Variants in WDFY3 observed in about 807,000 individuals in gnomAD.
WDFY3 encodes the protein WD repeat and FYVE domain containing 3.
WDFY3 carries 66 observed loss-of-function variants against 409.6 expected under a neutral mutation model. The ratio of observed to expected loss-of-function variants is 0.16; its 90% CI spans 0.13 to 0.20. The LOEUF is 0.20. WDFY3 is among the 10% of genes least tolerant of loss of function. The pLI, the probability that WDFY3 is intolerant of heterozygous loss-of-function variation, is 1.00. For synonymous variants in WDFY3, 1,521 were observed against 1,537.1 expected, an observed-to-expected ratio of 0.99 and a Z score of 0.25; for missense variants, 3,031 against 4,298.1, an observed-to-expected ratio of 0.71 and a Z score of 8.24.
chr4:84,935,976 A>AT (rs937984138), intron 1 of WDFY3, among the ~76,000 whole-genome samples: 10 of 152,250 alleles, frequency 6.6e-5, no homozygotes, highest in South Asian at 6.2e-4. Flanking sequence ...CATTTTACAT[A>AT]TTTTTACTTC....
chr4:84,752,151 T>A (rs544988874), intron 35 of WDFY3, among the ~76,000 whole-genome samples: 13 of 148,888 alleles, frequency 8.7e-5, no homozygotes, highest in South Asian at 6.4e-4. Context: ...CAAATAAATT[T>A]AAAAAAAAAA....
intron 63 of WDFY3, 101 bp downstream of exon 63, chr4:84,683,842 A>G (rs575911287): frequency 6.9e-6 from 9 of 1,296,052 alleles, no homozygotes; most frequent in South Asian, 2.9e-5. Flanking sequence ...TTCACTAAAC[A>G]TTACAACTTG....
chr4:84,737,391 C>A (rs1560629015), intron 40 of WDFY3, 25 bp from the exon 41 acceptor site: 4 of 1,520,998 alleles, frequency 2.6e-6, no homozygotes, highest in Non-Finnish European at 3.5e-6. Context: ...AACAAACAAA[C>A]AAAAAAGTAA....
chr4:84,918,194 C>T (rs530900282), intron 2 of WDFY3, among the ~76,000 whole-genome samples: 1 of 152,186 alleles, frequency 6.6e-6, no homozygotes, highest in Non-Finnish European at 1.5e-5. Context: ...CCTAGTAATT[C>T]CACTCCTACA....
chr4:84,693,441 T>C (rs1268680492), intron 58 of WDFY3, among the ~76,000 whole-genome samples: 3 of 152,200 alleles, frequency 2.0e-5, no homozygotes, highest in Non-Finnish European at 4.4e-5. Flanking sequence ...GGTTTCAATG[T>C]GGCCTTTATG....
intron 2 of WDFY3, among the ~76,000 whole-genome samples, chr4:84,930,863 C>T (rs1579178134): frequency 6.6e-6 from 1 of 152,158 alleles, no homozygotes; most frequent in African/African-American, 2.4e-5. Flanking sequence ...TAAAGTATTA[C>T]AATATTCCCC....
intron 3 of WDFY3, among the ~76,000 whole-genome samples, chr4:84,888,810 C>T (rs1441144414): frequency 6.6e-6 from 1 of 150,902 alleles, no homozygotes; most frequent in East Asian, 1.9e-4. Flanking sequence ...ACACAGGAAT[C>T]AGCAAACACT....
chr4:84,824,864 G>C (rs1413629666), intron 10 of WDFY3, among the ~76,000 whole-genome samples: 1 of 152,062 alleles, frequency 6.6e-6, no homozygotes, highest in Admixed American at 6.6e-5. Flanking sequence ...ATGAGAAACA[G>C]AAAATTTTGA....
intron 20 of WDFY3, 32 bp from the exon 21 acceptor site, chr4:84,794,769 T>C: frequency 6.5e-7 from 1 of 1,550,014 alleles, no homozygotes; most frequent in Non-Finnish European, 8.7e-7. Flanking sequence ...AAAGTCTGTG[T>C]TGATTAATAT....
chr4:84,798,160 T>C, intron 17 of WDFY3, 52 bp from the exon 18 acceptor site: 3 of 1,411,770 alleles, frequency 2.1e-6, no homozygotes, highest in Non-Finnish European at 2.9e-6. Flanking sequence ...ATTATATAAT[T>C]CATTAACCAA....
At chr4:84,737,750 A>G (rs1026407417) in intron 40 of WDFY3, among the ~76,000 whole-genome samples, 3 of 152,198 alleles carry the variant, frequency 2.0e-5, no homozygotes, top group South Asian at 2.1e-4. Flanking sequence ...ATTTTGCACA[A>G]GAAAAGAAAT....
intron 7 of WDFY3, among the ~76,000 whole-genome samples, chr4:84,835,172 A>G (rs996455855): frequency 2.0e-5 from 3 of 152,228 alleles, no homozygotes; most frequent in Non-Finnish European, 4.4e-5. Flanking sequence ...TTTCAAATAG[A>G]AATAATTTTT....
intron 56 of WDFY3, 115 bp from the exon 57 acceptor site, chr4:84,696,938 T>G: frequency 1.2e-6 from 1 of 821,980 alleles, no homozygotes; most frequent in Non-Finnish European, 1.9e-6. Context: ...ACGCTAAAAT[T>G]GTACACCAGA....
At chr4:84,867,422 A>G (rs1053720295) in intron 3 of WDFY3, among the ~76,000 whole-genome samples, 1 of 152,206 alleles carries the variant, frequency 6.6e-6, no homozygotes, top group Non-Finnish European at 1.5e-5. Flanking sequence ...AATGTTAGTA[A>G]GCGTTTTCAA....
Position 84,841,820 on chromosome 4 carries a change from T to C in WDFY3, c.305-557A>G, listed in dbSNP as rs1757395700. 2.0e-5 allele frequency among the ~76,000 whole-genome samples: 3 copies of C among 152,288 alleles called. 1 individual carries two copies. In the South Asian group the frequency reaches 6.2e-4, roughly 32 times the overall value. On this transcript the variant is annotated intron_variant, in intron 5 of 67. Coordinates refer to ENST00000295888, the MANE Select transcript of WDFY3 (RefSeq NM_014991.6). ...GATTTTCTGGGCAAGAGGGAGCAAATGCAGTTTCTTGAGCAAAGGAGATGA... is the reference window on the plus strand; with the variant it reads ...GATTTTCTGGGCAAGAGGGAGCAAACGCAGTTTCTTGAGCAAAGGAGATGA...
chr4:84,778,600 T>C lies in WDFY3; in HGVS notation c.4421A>G (p.His1474Arg). The C allele has an allele frequency of 6.2e-7, 1 of 1,612,898 alleles. No individual in the cohort carries two copies. The highest frequency in any genetic ancestry group is 8.5e-7 in the Non-Finnish European group (1 of 1,179,664). Residue 1474 changes from histidine (H) to arginine (R), a missense_variant, in exon 27 of 68, where the codon CAT becomes CGT. Around this residue, in one of 16 missense-constraint regions of WDFY3, gnomAD observed 55 missense variants for 124.1 expected, o/e 0.44. Transcript: ENST00000295888. ...AGTTCCCACCAAAGAAAAAGTTAGA[T>C]GGAGGATGTGGCTGTTAAGAAGGGA... ...KRSLLNSHIL[H>R]LTFSLVGTVD...
intron 3 of WDFY3, among the ~76,000 whole-genome samples, chr4:84,881,317 T>C (rs1370461835): frequency 1.3e-5 from 2 of 152,098 alleles, no homozygotes; most frequent in African/African-American, 2.4e-5. Context: ...TTCTTAAATC[T>C]AAAGAATAAG....
chr4:84,824,982 T>C (rs112631643), intron 10 of WDFY3, among the ~76,000 whole-genome samples: 1 of 152,170 alleles, frequency 6.6e-6, no homozygotes, highest in Non-Finnish European at 1.5e-5. Context: ...AGGTCACTTA[T>C]GATTACATAA....
intron 2 of WDFY3, among the ~76,000 whole-genome samples, chr4:84,901,693 G>A (rs1205675589): frequency 1.3e-5 from 2 of 152,104 alleles, no homozygotes; most frequent in African/African-American, 2.4e-5. Flanking sequence ...AGATAACAAG[G>A]AAACAAGCTC....
Sources: allele counts gnomAD v4.1 joint callset (sites outside exome capture counted in the v4.1 genomes callset), GRCh38; gene constraint gnomAD v4.1.1; regional missense constraint gnomAD v4.1.1; transcripts MANE v1.5; gene names NCBI Gene and HGNC (gene_info 2026-07-23, HGNC 2026-07-21).